The following MKX variants were observed in gnomAD, a reference collection of about 807,000 sequenced individuals.
MKX encodes mohawk homeobox, also known as homeobox protein Mohawk.
MKX carries 13 observed loss-of-function variants against 36.0 expected under a neutral mutation model. The observed-to-expected ratio is 0.36, with a 90% CI of 0.24 to 0.57. The LOEUF (loss-of-function observed/expected upper bound fraction) is 0.57. Among genes scored for constraint, MKX ranks in the 20% least tolerant of loss-of-function variants. The pLI, the probability that MKX is intolerant of heterozygous loss-of-function variation, is 0.79. For synonymous variants in MKX, 176 were observed against 178.3 expected (o/e 0.99, Z 0.10); for missense variants, 458 against 456.4 (o/e 1.00, Z -0.03).
At chr10:27,715,198 C>CAGAT (rs1297843056) in intron 5 of MKX, among the ~76,000 whole-genome samples, 1 of 76,768 alleles carries the variant, frequency 1.3e-5, no homozygotes, top group Non-Finnish European at 4.1e-5. Flanking sequence ...TTGCTGCAGG[C>CAGAT]AGACGCTTGC....
chr10:27,739,400 T>C (rs1390209009), intron 3 of MKX, among the ~76,000 whole-genome samples: 6 of 152,088 alleles, frequency 3.9e-5, no homozygotes, highest in Non-Finnish European at 8.8e-5. Flanking sequence ...AAAAATTATC[T>C]TACCCCACTT....
intron 5 of MKX, among the ~76,000 whole-genome samples, chr10:27,677,852 G>C (rs997321001): frequency 1.3e-5 from 2 of 152,190 alleles, no homozygotes; most frequent in Admixed American, 1.3e-4. Flanking sequence ...ATCCTTTGGG[G>C]GAAATAATTG....
intron 5 of MKX, among the ~76,000 whole-genome samples, chr10:27,722,286 A>G (rs1834396144): frequency 6.6e-6 from 1 of 152,188 alleles, no homozygotes; most frequent in Non-Finnish European, 1.5e-5. Flanking sequence ...TACTGGTGCC[A>G]TGCTCCCCAA....
intron 5 of MKX, among the ~76,000 whole-genome samples, chr10:27,702,429 G>A (rs1836674426): frequency 1.3e-5 from 2 of 152,188 alleles, no homozygotes; most frequent in African/African-American, 4.8e-5. Flanking sequence ...CCACTTGCTG[G>A]TGGTTTCTTA....
rs1554772224 is a variant in MKX at position 27,711,499 on chromosome 10, T to TCTCCCTTCCTTCCTTCCTTCC, written c.838+22956_838+22957insGGAAGGAAGGAAGGAAGGGAG. On this transcript the variant is annotated intron_variant, in intron 5 of 6. Coordinates refer to ENST00000419761, the MANE Select transcript of MKX (RefSeq NM_173576.3). ...TCTTTCTTTCTCTCTCTCTCTCTTCTTTCCTTCCTTCCTTCCTTCCTTCCT... is the reference window on the plus strand; with the variant it reads ...TCTTTCTTTCTCTCTCTCTCTCTTCTCTCCCTTCCTTCCTTCCTTCCTTCCTTCCTTCCTTCCTTCCTTCCT... Among the ~76,000 whole-genome samples, 36 of 93,076 alleles carry TCTCCCTTCCTTCCTTCCTTCC rather than the reference T, an allele frequency of 3.9e-4. 1 individual carries two copies. Among genetic ancestry groups the TCTCCCTTCCTTCCTTCCTTCC allele is most frequent in the African/African-American group, 1.9e-3 (36 of 19,314 alleles). 61.1% of individuals were successfully genotyped at this position (93,076 alleles called of 152,430 possible).
At chr10:27,686,938 C>T (rs184446014) in intron 5 of MKX, among the ~76,000 whole-genome samples, 1 of 152,230 alleles carries the variant, frequency 6.6e-6, no homozygotes, top group Non-Finnish European at 1.5e-5. Context: ...CCTTCAACTG[C>T]CTTTCTGTCA....
intron 5 of MKX, among the ~76,000 whole-genome samples, chr10:27,701,633 ATATT>A (rs1428553812): frequency 6.9e-6 from 1 of 145,090 alleles, no homozygotes; most frequent in African/African-American, 2.5e-5. Flanking sequence ...AAATAATAAT[ATATT>A]TATATATTAT....
At chr10:27,696,245 A>AT (rs940834093) in intron 5 of MKX, among the ~76,000 whole-genome samples, 8 of 152,042 alleles carry the variant, frequency 5.3e-5, no homozygotes, top group East Asian at 1.9e-4. Flanking sequence ...TCTGAGTCTT[A>AT]TTTTTTCTGC....
At chr10:27,733,237 G>C (rs1834672230) in intron 5 of MKX, among the ~76,000 whole-genome samples, 1 of 152,140 alleles carries the variant, frequency 6.6e-6, no homozygotes, top group African/African-American at 2.4e-5. Context: ...CTGAATCTTT[G>C]TAGATCATTT....
chr10:27,740,494 C>T (rs1834869906), intron 3 of MKX, among the ~76,000 whole-genome samples: 1 of 152,204 alleles, frequency 6.6e-6, no homozygotes, highest in Non-Finnish European at 1.5e-5. Context: ...ACTGACACAA[C>T]TGCCCCAAGT....
Position 27,706,881 on chromosome 10 carries a change from A to G in MKX, c.838+27575T>C, listed in dbSNP as rs190294973. On this transcript the variant is annotated intron_variant, in intron 5 of 6. Coordinates refer to ENST00000419761, the MANE Select transcript of MKX (RefSeq NM_173576.3). ...GAATATAATAACAGTTAAATATTTTAAAGATGTATTTAGATGAGATCTCTC... is the reference window on the plus strand; with the variant it reads ...GAATATAATAACAGTTAAATATTTTGAAGATGTATTTAGATGAGATCTCTC... Among the ~76,000 whole-genome samples the G allele has an allele frequency of 5.9e-5, 9 of 152,308 alleles. No homozygotes were observed. In the East Asian group the frequency reaches 1.5e-3, roughly 26 times the overall value.
chr10:27,711,572 CTTTCTTTT>C lies in MKX; in HGVS notation c.838+22876_838+22883del, dbSNP rs1174653025. 1.1e-4 allele frequency among the ~76,000 whole-genome samples: 16 copies of C among 141,220 alleles called. No homozygotes were observed. In the Admixed American group the frequency reaches 1.2e-3, roughly 10 times the overall value. 92.6% of individuals were successfully genotyped at this position (141,220 alleles called of 152,430 possible). The stretch of plus-strand genomic sequence containing the variant: ...TTCTTTCTTTTGTTCTCTTTTCTTT[CTTTCTTTT>C]TTTCTTTTTTTTTCTGGGTCTTGCT... On this transcript the variant is annotated intron_variant, in intron 5 of 6. Transcript: ENST00000419761.
intron 5 of MKX, among the ~76,000 whole-genome samples, chr10:27,697,074 T>G (rs1311801113): frequency 6.6e-6 from 1 of 152,198 alleles, no homozygotes; most frequent in African/African-American, 2.4e-5. Context: ...ATTCTCAGAT[T>G]TACTGGTGCA....
intron 5 of MKX, among the ~76,000 whole-genome samples, chr10:27,681,243 T>G (rs1436660024): frequency 6.6e-6 from 1 of 151,818 alleles, no homozygotes; most frequent in African/African-American, 2.4e-5. Flanking sequence ...GTTCAGGAGT[T>G]TGAGACCAGC....
At position 27,717,566 on chromosome 10, in the gene MKX, A is replaced by G. The variant is rs187551283; in HGVS notation, c.838+16890T>C. On this transcript the variant is annotated intron_variant, in intron 5 of 6. Coordinates refer to ENST00000419761, the MANE Select transcript of MKX (RefSeq NM_173576.3). Reference sequence around the variant, plus strand: ...GAGGTTTCACTTAATATGTTCGTAGAATATGTGTGTGGAGATGACATTGCC... The same window carrying G: ...GAGGTTTCACTTAATATGTTCGTAGGATATGTGTGTGGAGATGACATTGCC... Among the ~76,000 whole-genome samples, 3 of 152,332 alleles carry G rather than the reference A, an allele frequency of 2.0e-5. No homozygotes were observed. The East Asian group carries it at 5.8e-4, about 29-fold the overall frequency.
At chr10:27,675,691 T>A in intron 5 of MKX, 137 bp from the exon 6 acceptor site, 1 of 915,114 alleles carries the variant, frequency 1.1e-6, no homozygotes. Flanking sequence ...TTAATAAAGA[T>A]AAAGCAGTTT....
intron 5 of MKX, among the ~76,000 whole-genome samples, chr10:27,711,380 TTTC>T (rs1328930125): frequency 1.3e-5 from 2 of 152,120 alleles, no homozygotes; most frequent in African/African-American, 4.8e-5. Flanking sequence ...TTGTCACTTT[TTTC>T]TTTTCTTTCT....
At chr10:27,743,131 G>A (rs1333271782) in intron 2 of MKX, 97 bp downstream of exon 2, 88 of 1,237,778 alleles carry the variant, frequency 7.1e-5, no homozygotes, top group Non-Finnish European at 8.4e-5. Flanking sequence ...GCCCTTTCCC[G>A]TCCACCCGCC....
At chr10:27,710,263 G>C (rs1454919776) in intron 5 of MKX, among the ~76,000 whole-genome samples, 1 of 152,186 alleles carries the variant, frequency 6.6e-6, no homozygotes, top group Non-Finnish European at 1.5e-5. Flanking sequence ...TCCTAGAATT[G>C]TCCTGCAATG....
Sources: allele counts gnomAD v4.1 joint callset (sites outside exome capture counted in the v4.1 genomes callset), GRCh38; gene constraint gnomAD v4.1.1; transcripts MANE v1.5; gene names NCBI Gene and HGNC (gene_info 2026-07-23, HGNC 2026-07-21).